The following CPLANE2 variants were observed in gnomAD, a reference collection of about 807,000 sequenced individuals.
CPLANE2 encodes the protein ciliogenesis and planar polarity effector complex subunit 2.
CPLANE2 carries 24 observed loss-of-function variants against 20.9 expected under a neutral mutation model. The ratio of observed to expected loss-of-function variants is 1.15; its 90% CI spans 0.83 to 1.61. CPLANE2 has a LOEUF of 1.61. CPLANE2 is among the 40% of genes most tolerant of loss of function. The pLI is 0.00. For synonymous variants in CPLANE2, 132 were observed against 144.3 expected (o/e 0.92, Z 0.61); for missense variants, 330 against 355.1 (o/e 0.93, Z 0.57).
chr1:16,231,807 G>C lies in CPLANE2; in HGVS notation c.*241C>G. Reference sequence around the variant, plus strand: ...CCCCCTCTCCCAGTCATCCTCCATCGGTGCTGCCAAAGGGGGAAAGGCCAC... The same window carrying C: ...CCCCCTCTCCCAGTCATCCTCCATCCGTGCTGCCAAAGGGGGAAAGGCCAC... On this transcript the variant is annotated 3_prime_UTR_variant, in exon 5 of 5. Transcript: ENST00000375599. 1.7e-6 allele frequency: 1 copy of C among 577,252 alleles called. No homozygotes were observed. The highest frequency in any genetic ancestry group is 3.1e-5 in the Admixed American group (1 of 32,384). The allele number at this position is 577,252 out of a possible 1,614,324, so 35.8% of individuals were successfully genotyped here.
At chr1:16,234,024 C>A (rs1367069978) in intron 1 of CPLANE2, among the ~76,000 whole-genome samples, 1 of 152,154 alleles carries the variant, frequency 6.6e-6, no homozygotes, top group African/African-American at 2.4e-5. Flanking sequence ...AGCATGAAGG[C>A]CCTTTCCAGA....
Position 16,231,991 on chromosome 1 carries a change from C to G in CPLANE2, c.*57G>C. On this transcript the variant is annotated 3_prime_UTR_variant, in exon 5 of 5. Transcript: ENST00000375599. ...GGATCCATGTTCCTGCCCCAGCCTCCAGCCCTATGTCGAGACCTGAGGGTT... is the reference window on the plus strand; with the variant it reads ...GGATCCATGTTCCTGCCCCAGCCTCGAGCCCTATGTCGAGACCTGAGGGTT... 6.3e-7 allele frequency: 1 copy of G among 1,575,598 alleles called. No homozygotes were observed.
In CPLANE2 at chr1:16,231,718, C is replaced by T. The variant is rs2081420205; in HGVS notation, c.*330G>A. 1 of 404,324 alleles carries T rather than the reference C, an allele frequency of 2.5e-6. No individual in the cohort carries two copies. The allele number at this position is 404,324 out of a possible 1,614,324, so 25.0% of individuals were successfully genotyped here. A position where few individuals can be genotyped will look rare whatever the true frequency, so the allele number is the denominator to read the frequency against. On this transcript the variant is annotated 3_prime_UTR_variant, in exon 5 of 5. Transcript: ENST00000375599. Reference sequence around the variant, plus strand: ...TCAGCACTGGGATTTCGGGGTTTATCTGTTACAACAGATGGTGTCACCTCA... The same window carrying T: ...TCAGCACTGGGATTTCGGGGTTTATTTGTTACAACAGATGGTGTCACCTCA...
chr1:16,234,862 G>A lies in CPLANE2; in HGVS notation c.113-1098C>T, dbSNP rs1028131282. Among the ~76,000 whole-genome samples, 7 of 152,192 alleles carry A rather than the reference G, an allele frequency of 4.6e-5. No individual in the cohort carries two copies. The South Asian group carries it at 1.5e-3, about 32-fold the overall frequency. On this transcript the variant is annotated intron_variant, in intron 1 of 4. Coordinates refer to ENST00000375599, the MANE Select transcript of CPLANE2 (RefSeq NM_030907.4). ...CCTGCCTCAGCCTCCCGAGTAGCTG[G>A]GATTATAGGCATGCGCCACCATGCC...
chr1:16,235,873 G>T (rs1045918420), intron 1 of CPLANE2, among the ~76,000 whole-genome samples: 5 of 152,046 alleles, frequency 3.3e-5, no homozygotes, highest in Non-Finnish European at 7.4e-5. Flanking sequence ...TAAAGATGGG[G>T]TTTCGCCATG....
At chr1:16,233,563 C>G (rs1297913397) in intron 2 of CPLANE2, 49 bp downstream of exon 2, 2 of 1,604,820 alleles carry the variant, frequency 1.2e-6, no homozygotes, top group Admixed American at 1.7e-5. Context: ...TTGCCTCCAC[C>G]CCCAAGGAGG....
chr1:16,234,147 C>T (rs1165070132), intron 1 of CPLANE2, among the ~76,000 whole-genome samples: 1 of 152,140 alleles, frequency 6.6e-6, no homozygotes, highest in East Asian at 1.9e-4. Flanking sequence ...CACCTGTAAT[C>T]CCAGCACTTT....
At position 16,237,100 on chromosome 1, in the gene CPLANE2, A is replaced by C; in HGVS notation, c.-358T>G. The C allele has an allele frequency of 1.2e-5, 2 of 169,988 alleles. No homozygotes were observed. The highest frequency in any genetic ancestry group is 2.5e-5 in the Non-Finnish European group (2 of 79,544). The allele number at this position is 169,988 out of a possible 1,614,324, so 10.5% of individuals were successfully genotyped here. A position where few individuals can be genotyped will look rare whatever the true frequency, so the allele number is the denominator to read the frequency against. On this transcript the variant is annotated 5_prime_UTR_variant, in exon 1 of 5. Coordinates refer to ENST00000375599, the MANE Select transcript of CPLANE2 (RefSeq NM_030907.4). ...ACCTGGGTGCCGAAGGCCCCTTTAAACGCCCACCCGCACTCCCGCCGCCCC... is the reference window on the plus strand; with the variant it reads ...ACCTGGGTGCCGAAGGCCCCTTTAACCGCCCACCCGCACTCCCGCCGCCCC...
chr1:16,233,883 C>T, intron 1 of CPLANE2, 119 bp from the exon 2 acceptor site: 1 of 1,079,368 alleles, frequency 9.3e-7, no homozygotes, highest in Non-Finnish European at 1.3e-6. Context: ...TGGGGCCTAA[C>T]ACAAGGTGAT....
At position 16,232,202 on chromosome 1, in the gene CPLANE2, G is replaced by A. The variant is rs140675814; in HGVS notation, c.623C>T (p.Pro208Leu). ...GCGCCCATCAGCCAGCCGCCGCCCC[G>A]GCACACTCTTCACCCGTAGCAGGGG... Reference protein sequence around the residue: ...ELPLLRVKSVPGRRLADGRTL... With the variant: ...ELPLLRVKSVLGRRLADGRTL... Residue 208 changes from proline (P) to leucine (L), a missense_variant, in exon 5 of 5, where the codon CCG (proline) becomes CTG (leucine). Coordinates refer to ENST00000375599, the MANE Select transcript of CPLANE2 (RefSeq NM_030907.4). The A allele has an allele frequency of 6.3e-4, 1,022 of 1,612,688 alleles. No homozygotes were observed. Among genetic ancestry groups the A allele is most frequent in the Admixed American group, 1.1e-3 (68 of 59,984 alleles).
intron 1 of CPLANE2, among the ~76,000 whole-genome samples, chr1:16,236,087 T>C (rs1475055162): frequency 6.6e-6 from 1 of 152,244 alleles, no homozygotes; most frequent in East Asian, 1.9e-4. Context: ...TCTTAAGTCT[T>C]CTGGCACCTT....
chr1:16,231,883 C>T lies in CPLANE2; in HGVS notation c.*165G>A, dbSNP rs2081421933. The T allele has an allele frequency of 9.9e-7, 1 of 1,009,252 alleles. No homozygotes were observed. The highest frequency in any genetic ancestry group is 1.4e-6 in the Non-Finnish European group (1 of 701,978). The allele number at this position is 1,009,252 out of a possible 1,614,324, so 62.5% of individuals were successfully genotyped here. A position where few individuals can be genotyped will look rare whatever the true frequency, so the allele number is the denominator to read the frequency against. On this transcript the variant is annotated 3_prime_UTR_variant, in exon 5 of 5. Transcript: ENST00000375599. ...GGTCCCCACCTCCCTGCCATGAATT[C>T]TGCAAGGAAAGCGCTGCTCGCGGGT...
rs764625811 is a variant in CPLANE2, at chr1:16,236,642, C to A, written c.101G>T (p.Arg34Leu). The stretch of plus-strand genomic sequence containing the variant: ...GGGGAGGCACTTACCAAACACCCGC[C>A]GGCGGTTCTTGCGCAGAATGCAAGC... The part of the protein sequence containing the change: ...YLACILRKNR[R>L]RVFGLLERPV... The change falls in exon 1 of 5, where the codon CGG becomes CTG. Residue 34 changes from arginine (R) to leucine (L), a missense_variant. Transcript: ENST00000375599. 31 of 1,555,668 alleles carry A rather than the reference C, an allele frequency of 2.0e-5. No homozygotes were observed. The highest frequency in any genetic ancestry group is 2.4e-5 in the Non-Finnish European group (27 of 1,148,742).
Position 16,232,272 on chromosome 1 carries a change from C to A in CPLANE2, c.553G>T (p.Val185Leu). Residue 185 changes from valine to leucine, a missense_variant, in exon 5 of 5, where the codon GTG becomes TTG. Val to Leu is a conservative substitution (Grantham distance 32). Transcript: ENST00000375599. ...AAGGCTGTGAGGTCCCGCTCGGGCA[C>A]GTCCGTGTGCATGTACTGGTCAAAT... The part of the protein sequence containing the change: ...SKFDQYMHTD[V>L]PERDLTAFRQ... The A allele has an allele frequency of 6.2e-7, 1 of 1,608,656 alleles. No homozygotes were observed. The highest frequency in any genetic ancestry group is 8.5e-7 in the Non-Finnish European group (1 of 1,179,092).
At chr1:16,232,785 G>A in intron 3 of CPLANE2, 108 bp downstream of exon 3, 3 of 1,560,166 alleles carry the variant, frequency 1.9e-6, no homozygotes, top group Admixed American at 1.7e-5. Context: ...GACAAGCATG[G>A]GCTGGGACTG....
intron 1 of CPLANE2, among the ~76,000 whole-genome samples, chr1:16,234,570 G>T (rs1452602165): frequency 2.0e-5 from 3 of 152,040 alleles, no homozygotes; most frequent in South Asian, 2.1e-4. Context: ...TACGGATGGG[G>T]TCTCACTATG....
rs769388396 is a variant in CPLANE2 at position 16,232,316 on chromosome 1, G to T, written c.528-19C>A. On this transcript the variant is annotated intron_variant, in intron 4 of 4. Coordinates refer to ENST00000375599, the MANE Select transcript of CPLANE2 (RefSeq NM_030907.4). Reference sequence around the variant, plus strand: ...GTCAAATCTGGAGGAGGGTCAAGGAGCCTAACTGGGTGCCTCTGCACAGCC... The same window carrying T: ...GTCAAATCTGGAGGAGGGTCAAGGATCCTAACTGGGTGCCTCTGCACAGCC... 5.7e-6 allele frequency: 9 copies of T among 1,592,340 alleles called. No individual in the cohort carries two copies. Among genetic ancestry groups the T allele is most frequent in the Non-Finnish European group, 8.6e-7 (1 of 1,169,554 alleles).
chr1:16,233,677 CCCACACCA>C lies in CPLANE2; in HGVS notation c.192_199del (p.Ser64ArgfsTer47). ...CAGCTTGGCCACCAGCGCCGTCTTG[CCCACACCA>C]CTCTTCCCGGACACAAAGATCTTGT... On this transcript the variant is annotated frameshift_variant, in exon 2 of 5. Transcript: ENST00000375599. LOFTEE classifies it high-confidence loss of function. The C allele has an allele frequency of 1.2e-6, 2 of 1,614,194 alleles. No individual in the cohort carries two copies. Among genetic ancestry groups the C allele is most frequent in the Non-Finnish European group, 1.7e-6 (2 of 1,180,040 alleles).
In CPLANE2 at chr1:16,232,006, A is replaced by G; in HGVS notation, c.*42T>C. 1 of 1,586,844 alleles carries G rather than the reference A, an allele frequency of 6.3e-7. No homozygotes were observed. The highest frequency in any genetic ancestry group is 8.6e-7 in the Non-Finnish European group (1 of 1,162,596). ...CCCCAGCCTCCAGCCCTATGTCGAG[A>G]CCTGAGGGTTGGGGGTGGGATCACA... On this transcript the variant is annotated 3_prime_UTR_variant, in exon 5 of 5. Coordinates refer to ENST00000375599, the MANE Select transcript of CPLANE2 (RefSeq NM_030907.4).
Sources: allele counts gnomAD v4.1 joint callset (sites outside exome capture counted in the v4.1 genomes callset), GRCh38; gene constraint gnomAD v4.1.1; transcripts MANE v1.5; gene names NCBI Gene and HGNC (gene_info 2026-07-23, HGNC 2026-07-21).